GRM3: variants seen among roughly 807,000 people sequenced by gnomAD.
GRM3 encodes glutamate metabotropic receptor 3, also known as metabotropic glutamate receptor 3.
GRM3 carries 26 observed loss-of-function variants against 70.5 expected under a neutral mutation model. That is an observed-to-expected ratio of 0.37 (90% CI 0.27 to 0.51). GRM3 has a LOEUF of 0.51. Among genes scored for constraint, GRM3 ranks in the 20% least tolerant of loss-of-function variants. GRM3 has a pLI of 0.93. For missense variants in GRM3, 859 were observed against 1,123.8 expected, an observed-to-expected ratio of 0.76 and a Z score of 3.37; for synonymous variants, 443 against 434.9, an observed-to-expected ratio of 1.02 and a Z score of -0.23.
chr7:86,645,519 T>G (rs545440112), intron 1 of GRM3, among the ~76,000 whole-genome samples: 3 of 152,312 alleles, frequency 2.0e-5, no homozygotes, highest in African/African-American at 7.2e-5. Flanking sequence ...GACAGTGAGA[T>G]AACTCAGAGA....
At chr7:86,696,905 T>G (rs889066977) in intron 1 of GRM3, among the ~76,000 whole-genome samples, 2 of 152,198 alleles carry the variant, frequency 1.3e-5, no homozygotes, top group African/African-American at 4.8e-5. Context: ...GCCCATTGTC[T>G]TAACTGCTCT....
At chr7:86,825,464 C>T (rs1798213271) in intron 3 of GRM3, among the ~76,000 whole-genome samples, 2 of 152,268 alleles carry the variant, frequency 1.3e-5, no homozygotes, top group East Asian at 1.9e-4. Context: ...CTAAGCTATG[C>T]TACAGTGGCT....
chr7:86,694,441 A>G (rs1244027510), intron 1 of GRM3, among the ~76,000 whole-genome samples: 1 of 142,992 alleles, frequency 7.0e-6, no homozygotes, highest in Non-Finnish European at 1.5e-5. Flanking sequence ...GAACCCGGGA[A>G]GTGGGGCTTG....
At chr7:86,851,737 CT>C (rs1201136343) in intron 5 of GRM3, among the ~76,000 whole-genome samples, 1 of 152,120 alleles carries the variant, frequency 6.6e-6, no homozygotes, top group Non-Finnish European at 1.5e-5. Flanking sequence ...ACATTCCTGT[CT>C]TTCCAGCTAA....
intron 5 of GRM3, among the ~76,000 whole-genome samples, chr7:86,856,264 C>T (rs376306148): frequency 4.0e-5 from 6 of 151,878 alleles, no homozygotes; most frequent in Non-Finnish European, 7.4e-5. Context: ...GCCAGTATGG[C>T]GAAACCCCAT....
intron 2 of GRM3, among the ~76,000 whole-genome samples, chr7:86,774,244 T>C (rs996322583): frequency 1.3e-5 from 2 of 152,050 alleles, no homozygotes; most frequent in African/African-American, 4.8e-5. Flanking sequence ...ATAATGAAGG[T>C]CCATGGATTT....
Position 86,693,316 on chromosome 7 carries a change from T to C in GRM3, c.-141+48444T>C, listed in dbSNP as rs1337780856. Among the ~76,000 whole-genome samples the C allele has an allele frequency of 2.6e-5, 4 of 152,348 alleles. No homozygotes were observed. In the East Asian group the frequency reaches 7.7e-4, roughly 29 times the overall value. On this transcript the variant is annotated intron_variant, in intron 1 of 5. Coordinates refer to ENST00000361669, the MANE Select transcript of GRM3 (RefSeq NM_000840.3). ...AATTAGTAAGTGGCAAAGCCTACCTTAGGACATGGGTCAGTTAGAAGCCCA... is the reference window on the plus strand; with the variant it reads ...AATTAGTAAGTGGCAAAGCCTACCTCAGGACATGGGTCAGTTAGAAGCCCA...
chr7:86,858,856 A>T (rs1022111464), intron 5 of GRM3, among the ~76,000 whole-genome samples: 1 of 152,222 alleles, frequency 6.6e-6, no homozygotes, highest in Admixed American at 6.5e-5. Context: ...GCAGATTTTT[A>T]TCCCACAGTA....
rs59930404 is a variant in GRM3 at position 86,746,341 on chromosome 7, T to TTATATA, written c.-140-18636_-140-18631dup. ...TGACTAATAGAGGGTCAGTCATGTA[T>TTATATA]TATATATATATATATATATATATAT... On this transcript the variant is annotated intron_variant, in intron 1 of 5. Transcript: ENST00000361669. Among the ~76,000 whole-genome samples the TTATATA allele has an allele frequency of 6.2e-3, 544 of 87,434 alleles. 10 individuals carry two copies. Among genetic ancestry groups the TTATATA allele is most frequent in the East Asian group, 0.026 (75 of 2,924 alleles). The allele number at this position is 87,434 out of a possible 152,430, so 57.4% of individuals were successfully genotyped here.
chr7:86,838,327 T>C (rs1798497039), intron 3 of GRM3, among the ~76,000 whole-genome samples: 1 of 152,202 alleles, frequency 6.6e-6, no homozygotes, highest in African/African-American at 2.4e-5. Flanking sequence ...ATCTGAACTA[T>C]TGAAAAGAAT....
At chr7:86,655,507 C>T (rs190894941) in intron 1 of GRM3, among the ~76,000 whole-genome samples, 79 of 151,634 alleles carry the variant, frequency 5.2e-4, no homozygotes, top group Non-Finnish European at 1.1e-3. Context: ...TGTAATAAAA[C>T]AACAAACCCT....
At chr7:86,792,845 C>T (rs573798969) in intron 3 of GRM3, among the ~76,000 whole-genome samples, 1 of 152,028 alleles carries the variant, frequency 6.6e-6, no homozygotes, top group Non-Finnish European at 1.5e-5. Context: ...CAGAAAAGAT[C>T]TAGGATCCCT....
chr7:86,864,588 C>A lies in GRM3; in HGVS notation c.*233C>A. On this transcript the variant is annotated 3_prime_UTR_variant, in exon 6 of 6. Transcript: ENST00000361669. ...AGAACATGGAAATAACCATTGTTTA[C>A]AGAGCTGAGCATTGGTGACAGGGTC... 3.0e-6 allele frequency: 1 copy of A among 331,732 alleles called. No homozygotes were observed. Among genetic ancestry groups the A allele is most frequent in the Admixed American group, 4.7e-5 (1 of 21,170 alleles). The allele number at this position is 331,732 out of a possible 1,614,324, so 20.5% of individuals were successfully genotyped here. A position where few individuals can be genotyped will look rare whatever the true frequency, so the allele number is the denominator to read the frequency against.
chr7:86,799,977 A>T (rs528680507), intron 3 of GRM3, among the ~76,000 whole-genome samples: 5 of 152,318 alleles, frequency 3.3e-5, no homozygotes, highest in African/African-American at 1.2e-4. Context: ...ATGCCAGAAG[A>T]TTAAGAAACT....
intron 1 of GRM3, among the ~76,000 whole-genome samples, chr7:86,743,028 T>C (rs1382322893): frequency 2.0e-5 from 3 of 152,086 alleles, no homozygotes; most frequent in Non-Finnish European, 4.4e-5. Flanking sequence ...TTCCTCAAAG[T>C]CAAATATCAT....
chr7:86,826,319 A>C (rs997454609), intron 3 of GRM3, among the ~76,000 whole-genome samples: 5 of 152,238 alleles, frequency 3.3e-5, no homozygotes, highest in African/African-American at 9.6e-5. Context: ...CTTGTGAGTT[A>C]GCTCTAGAAG....
intron 1 of GRM3, 96 bp downstream of exon 1, chr7:86,644,968 T>C: frequency 1.7e-6 from 1 of 575,770 alleles, no homozygotes; most frequent in Non-Finnish European, 2.8e-6. Context: ...CCGGGAAAGT[T>C]GAGGTAGAGC....
chr7:86,819,037 T>A (rs1050811082), intron 3 of GRM3, among the ~76,000 whole-genome samples: 1 of 152,110 alleles, frequency 6.6e-6, no homozygotes, highest in Non-Finnish European at 1.5e-5. Context: ...GACATCTTTA[T>A]TGTAAGATGA....
At chr7:86,771,831 G>T (rs1039499049) in intron 2 of GRM3, among the ~76,000 whole-genome samples, 2 of 152,062 alleles carry the variant, frequency 1.3e-5, no homozygotes, top group Non-Finnish European at 2.9e-5. Context: ...TACATAAACA[G>T]AAAGCCTGCC....
Sources: allele counts gnomAD v4.1 joint callset (sites outside exome capture counted in the v4.1 genomes callset), GRCh38; gene constraint gnomAD v4.1.1; transcripts MANE v1.5; gene names NCBI Gene and HGNC (gene_info 2026-07-23, HGNC 2026-07-21).